Variants in TIAM2 observed in about 807,000 individuals in gnomAD.
TIAM2 encodes rho guanine nucleotide exchange factor TIAM2.
Under a neutral mutation model 152.9 loss-of-function variants are expected in TIAM2, and 80 were observed. The ratio of observed to expected loss-of-function variants is 0.52; its 90% CI spans 0.44 to 0.63. TIAM2 has a LOEUF of 0.63. Among genes scored for constraint, TIAM2 ranks in the 30% least tolerant of loss-of-function variants. The pLI, the probability that TIAM2 is intolerant of heterozygous loss-of-function variation, is 0.00. For synonymous variants in TIAM2, 804 were observed against 838.0 expected (o/e 0.96, Z 0.70); for missense variants, 1,965 against 2,120.1 (o/e 0.93, Z 1.44).
chr6:155,117,747 A>T (rs1315681577), intron 2 of TIAM2, among the ~76,000 whole-genome samples: 1 of 151,982 alleles, frequency 6.6e-6, no homozygotes, highest in Non-Finnish European at 1.5e-5. Flanking sequence ...CTGGCCTTTC[A>T]TATTCTCTCT....
Position 155,196,791 on chromosome 6 carries a change from T to G in TIAM2, c.3064+13291T>G, listed in dbSNP as rs141738280. Among the ~76,000 whole-genome samples the G allele has an allele frequency of 7.2e-5, 11 of 152,378 alleles. No homozygotes were observed. In the East Asian group the frequency reaches 2.1e-3, roughly 29 times the overall value. On this transcript the variant is annotated intron_variant, in intron 14 of 26. Coordinates refer to ENST00000682666, the MANE Select transcript of TIAM2 (RefSeq NM_012454.4). ...TTCAGACAATTTAGTTCTGATCTGTTGTACCTTATAAATTTATTTCTGCCC... is the reference window on the plus strand; with the variant it reads ...TTCAGACAATTTAGTTCTGATCTGTGGTACCTTATAAATTTATTTCTGCCC...
chr6:155,252,426 G>A (rs1409022099), intron 23 of TIAM2, among the ~76,000 whole-genome samples: 1 of 152,176 alleles, frequency 6.6e-6, no homozygotes, highest in Non-Finnish European at 1.5e-5. Flanking sequence ...CCTTGATCAT[G>A]CCACTGCATT....
chr6:155,140,573 TGAGAGAGAGAGA>T (rs57939338), intron 5 of TIAM2, among the ~76,000 whole-genome samples: 1,615 of 107,472 alleles, frequency 0.015, 21 homozygotes, highest in African/African-American at 0.045. Flanking sequence ...TGTGTGTGTG[TGAGAGAGAGAGA>T]GAGAGAGAGA....
intron 15 of TIAM2, among the ~76,000 whole-genome samples, chr6:155,219,283 A>T (rs1781961450): frequency 6.6e-6 from 1 of 152,108 alleles, no homozygotes. Context: ...GGTTGCTTCA[A>T]GTGACCAAAT....
rs538858100 is a variant in TIAM2, at chr6:155,191,484, G to A, written c.3064+7984G>A. ...TTAGTGTCTTTCTCATCCTGGCCTG[G>A]AGAATTCTAAATATTGGGGAAAATT... On this transcript the variant is annotated intron_variant, in intron 14 of 26. Coordinates refer to ENST00000682666, the MANE Select transcript of TIAM2 (RefSeq NM_012454.4). Among the ~76,000 whole-genome samples the A allele has an allele frequency of 2.0e-5, 3 of 152,200 alleles. No homozygotes were observed. In the South Asian group the frequency reaches 6.2e-4, roughly 32 times the overall value.
chr6:155,136,463 C>T (rs546490105), intron 4 of TIAM2, among the ~76,000 whole-genome samples: 17 of 151,906 alleles, frequency 1.1e-4, no homozygotes, highest in Middle Eastern at 3.4e-3. Context: ...TTAGTAGAGA[C>T]GGGTTTCACC....
intron 2 of TIAM2, among the ~76,000 whole-genome samples, chr6:155,114,084 T>C (rs1193830605): frequency 7.6e-6 from 1 of 131,222 alleles, no homozygotes; most frequent in African/African-American, 2.9e-5. Context: ...AATGGAGTCT[T>C]GCTGTGTCAC....
chr6:155,143,887 CA>C (rs1454096757), intron 5 of TIAM2, among the ~76,000 whole-genome samples: 1 of 151,654 alleles, frequency 6.6e-6, no homozygotes, highest in Non-Finnish European at 1.5e-5. Flanking sequence ...AAAAAAAAAA[CA>C]AGCCGAAAGC....
intron 14 of TIAM2, among the ~76,000 whole-genome samples, chr6:155,208,427 C>A (rs1781642648): frequency 6.6e-6 from 1 of 152,116 alleles, no homozygotes; most frequent in South Asian, 2.1e-4. Context: ...ATGTCATCCA[C>A]CCCCTTGGCT....
intron 1 of TIAM2, among the ~76,000 whole-genome samples, chr6:155,035,499 G>A (rs1441510798): frequency 6.6e-6 from 1 of 152,102 alleles, no homozygotes; most frequent in Admixed American, 6.6e-5. Context: ...GGATTAACAG[G>A]CGTGAGACTA....
chr6:155,130,899 C>T (rs1583206280), intron 4 of TIAM2, among the ~76,000 whole-genome samples: 1 of 152,178 alleles, frequency 6.6e-6, no homozygotes, highest in Non-Finnish European at 1.5e-5. Flanking sequence ...ACCCTCATGA[C>T]CCCCTCTAAA....
chr6:155,129,628 A>G lies in TIAM2; in HGVS notation c.405A>G (p.Gly135=). The G allele has an allele frequency of 6.2e-7, 1 of 1,614,056 alleles. No homozygotes were observed. The highest frequency in any genetic ancestry group is 1.1e-5 in the South Asian group (1 of 91,074). ...DNHITSRDCN[G]HLLNCYGRNE... is the part of the protein sequence containing the mutation. ...ACATCACCTCCAGAGACTGCAACGG[A>G]CACCTTCTCAACTGCTACGGGAGGA... The change falls in exon 4 of 27, where the codon GGA becomes GGG. Residue 135 remains glycine, a synonymous_variant. Transcript: ENST00000682666. The surrounding 1 kb of genome is among the most constrained non-coding windows in gnomAD (Gnocchi z 4.8).
chr6:155,073,181 T>TTA (rs1201958257), intron 1 of TIAM2, among the ~76,000 whole-genome samples: 2 of 148,406 alleles, frequency 1.3e-5, no homozygotes, highest in African/African-American at 2.5e-5. Context: ...TTTTTTTTTT[T>TTA]AGACTAAGTC....
At chr6:155,012,330 C>T (rs1038780355) in intron 1 of TIAM2, among the ~76,000 whole-genome samples, 1 of 152,036 alleles carries the variant, frequency 6.6e-6, no homozygotes. Flanking sequence ...AATGATAATC[C>T]TTAACAGTAT....
chr6:155,239,852 G>A (rs1463994077), intron 15 of TIAM2, among the ~76,000 whole-genome samples: 1 of 152,210 alleles, frequency 6.6e-6, no homozygotes, highest in East Asian at 1.9e-4. Context: ...TGTGTCCTCT[G>A]CTCCCTGCCT....
At chr6:155,081,595 G>A (rs1018638790) in intron 1 of TIAM2, among the ~76,000 whole-genome samples, 4 of 152,148 alleles carry the variant, frequency 2.6e-5, no homozygotes, top group Non-Finnish European at 5.9e-5. Context: ...ACAGAGCCCA[G>A]GCAGGCAGAG....
intron 7 of TIAM2, among the ~76,000 whole-genome samples, chr6:155,159,613 A>G (rs1469524552): frequency 3.9e-5 from 6 of 152,110 alleles, no homozygotes; most frequent in Admixed American, 6.5e-5. Flanking sequence ...TCTAAATACT[A>G]TAAGGTCTGT....
In TIAM2 at chr6:155,180,963, C is replaced by T. The variant is rs544950956; in HGVS notation, c.2708-1263C>T. On this transcript the variant is annotated intron_variant, in intron 12 of 26. Coordinates refer to ENST00000682666, the MANE Select transcript of TIAM2 (RefSeq NM_012454.4). ...CCCTCTTAGCCTTTTTTCTCCTCCT[C>T]TTGGCCTTCACTGTGCTTTTTGTGG... Among the ~76,000 whole-genome samples, 4 of 152,264 alleles carry T rather than the reference C, an allele frequency of 2.6e-5. No homozygotes were observed. The South Asian group carries it at 8.3e-4, about 32-fold the overall frequency.
At chr6:155,215,083 C>T (rs1016289514) in intron 15 of TIAM2, among the ~76,000 whole-genome samples, 10 of 152,296 alleles carry the variant, frequency 6.6e-5, no homozygotes, top group Non-Finnish European at 1.0e-4. Flanking sequence ...TGAGGGATAA[C>T]GACTTCTCGT....
Sources: gnomAD v4.1 joint callset for allele counts (sites outside exome capture counted in the v4.1 genomes callset) on GRCh38, gnomAD v4.1.1 for gene constraint, Gnocchi (gnomAD v3.1) non-coding constraint, MANE v1.5 for transcripts, NCBI Gene and HGNC (gene_info 2026-07-23, HGNC 2026-07-21) for gene names.